Variants in PPP1R9A observed in about 807,000 individuals in gnomAD.
The protein encoded by PPP1R9A is protein phosphatase 1 regulatory subunit 9A.
PPP1R9A carries 59 observed loss-of-function variants against 141.9 expected under a neutral mutation model. The observed-to-expected ratio is 0.42, with a 90% CI of 0.34 to 0.52. The LOEUF is 0.52. PPP1R9A is among the 20% of genes least tolerant of loss of function. The pLI, the probability that PPP1R9A is intolerant of heterozygous loss-of-function variation, is 0.10. For synonymous variants in PPP1R9A, 500 were observed against 569.7 expected (o/e 0.88, Z 1.74); for missense variants, 1,444 against 1,611.9 (o/e 0.90, Z 1.78).
Position 95,274,002 on chromosome 7 carries a change from T to C in PPP1R9A, c.3212+16T>C, listed in dbSNP as rs926010810. 2.0e-6 allele frequency: 3 copies of C among 1,501,892 alleles called. No homozygotes were observed. The highest frequency in any genetic ancestry group is 2.3e-5 in the East Asian group (1 of 44,214). The allele number at this position is 1,501,892 out of a possible 1,614,324, so 93.0% of individuals were successfully genotyped here. On this transcript the variant is annotated intron_variant, in intron 15 of 19. Coordinates refer to ENST00000433360, the MANE Select transcript of PPP1R9A (RefSeq NM_001166160.2). ...TGGATCTGGGGTAAGCACTTCACGATGTAAAAAGAAAGCCCTCTGTAAAAG... is the reference window on the plus strand; with the variant it reads ...TGGATCTGGGGTAAGCACTTCACGACGTAAAAAGAAAGCCCTCTGTAAAAG...
chr7:95,240,514 TTGTCA>T (rs1585411748), intron 8 of PPP1R9A, among the ~76,000 whole-genome samples: 1 of 152,032 alleles, frequency 6.6e-6, no homozygotes, highest in African/African-American at 2.4e-5. Context: ...TAAATTTGTC[TTGTCA>T]TATCAGTGAT....
chr7:94,956,080 T>C (rs1797041892), intron 2 of PPP1R9A, among the ~76,000 whole-genome samples: 1 of 152,048 alleles, frequency 6.6e-6, no homozygotes, highest in African/African-American at 2.4e-5. Context: ...CCTAGCTTGG[T>C]TGGATTTTTT....
At chr7:95,122,170 G>A (rs1254763673) in intron 4 of PPP1R9A, among the ~76,000 whole-genome samples, 1 of 133,152 alleles carries the variant, frequency 7.5e-6, no homozygotes, top group Non-Finnish European at 1.6e-5. Context: ...TTTTTGAGAT[G>A]GCATCTCATT....
chr7:95,221,915 A>G (rs1794513156), intron 7 of PPP1R9A, among the ~76,000 whole-genome samples: 1 of 152,076 alleles, frequency 6.6e-6, no homozygotes, highest in Non-Finnish European at 1.5e-5. Flanking sequence ...CAATTAAAAG[A>G]TGAGCAAATA....
chr7:95,189,168 G>T (rs917186432), intron 5 of PPP1R9A, among the ~76,000 whole-genome samples: 11 of 152,110 alleles, frequency 7.2e-5, no homozygotes, highest in African/African-American at 2.7e-4. Flanking sequence ...TAATCTGGTA[G>T]GTTTTCCTTT....
chr7:94,946,228 A>G (rs1795884088), intron 2 of PPP1R9A, among the ~76,000 whole-genome samples: 1 of 152,120 alleles, frequency 6.6e-6, no homozygotes, highest in East Asian at 1.9e-4. Flanking sequence ...TGGGGAATAG[A>G]TAAAAATGTG....
At chr7:95,017,845 C>T (rs1805324476) in intron 2 of PPP1R9A, among the ~76,000 whole-genome samples, 1 of 152,088 alleles carries the variant, frequency 6.6e-6, no homozygotes, top group Non-Finnish European at 1.5e-5. Flanking sequence ...TCTTGTGGTT[C>T]TCTGACATTT....
At chr7:95,191,269 T>C (rs149732728) in intron 5 of PPP1R9A, among the ~76,000 whole-genome samples, 179 of 152,306 alleles carry the variant, frequency 1.2e-3, no homozygotes, top group African/African-American at 4.1e-3. Context: ...CCTTGACTTA[T>C]TGTATCTCAA....
intron 2 of PPP1R9A, among the ~76,000 whole-genome samples, chr7:95,029,846 A>T (rs147136459): frequency 3.2e-4 from 48 of 152,338 alleles, no homozygotes; most frequent in African/African-American, 9.9e-4. Flanking sequence ...CAAAACTGAC[A>T]TACATTGCCG....
chr7:95,135,075 C>G (rs1318373348), intron 4 of PPP1R9A, among the ~76,000 whole-genome samples: 1 of 152,164 alleles, frequency 6.6e-6, no homozygotes, highest in Non-Finnish European at 1.5e-5. Flanking sequence ...TTAACATCAA[C>G]CTATTTTATT....
intron 2 of PPP1R9A, among the ~76,000 whole-genome samples, chr7:94,923,757 G>A (rs1346111462): frequency 6.6e-6 from 1 of 152,160 alleles, no homozygotes; most frequent in Non-Finnish European, 1.5e-5. Context: ...GGTAGATAAT[G>A]TTGTAGTATA....
At chr7:95,068,122 C>T (rs1394049598) in intron 2 of PPP1R9A, among the ~76,000 whole-genome samples, 1 of 152,098 alleles carries the variant, frequency 6.6e-6, no homozygotes, top group East Asian at 1.9e-4. Context: ...TAAAATATTG[C>T]AAACCTCAGC....
chr7:95,056,728 C>T lies in PPP1R9A; in HGVS notation c.1396-54531C>T, dbSNP rs1360291960. ...ACAGCTGTATGTAATATGAATTCAACTCATGAAAGTTATCACTGATCTGTT... is the reference window on the plus strand; with the variant it reads ...ACAGCTGTATGTAATATGAATTCAATTCATGAAAGTTATCACTGATCTGTT... On this transcript the variant is annotated intron_variant, in intron 2 of 19. Coordinates refer to ENST00000433360, the MANE Select transcript of PPP1R9A (RefSeq NM_001166160.2). Among the ~76,000 whole-genome samples, 3 of 152,036 alleles carry T rather than the reference C, an allele frequency of 2.0e-5. No individual in the cohort carries two copies. The East Asian group carries it at 5.8e-4, about 29-fold the overall frequency.
At chr7:95,035,772 T>A (rs955387995) in intron 2 of PPP1R9A, 2 of 152,232 alleles carry the variant, frequency 1.3e-5, no homozygotes, top group Non-Finnish European at 2.9e-5. Context: ...TAAAAAAACC[T>A]TGCATTCTTT....
chr7:95,077,255 T>G (rs555230599), intron 2 of PPP1R9A, among the ~76,000 whole-genome samples: 6 of 152,294 alleles, frequency 3.9e-5, no homozygotes, highest in African/African-American at 1.4e-4. Context: ...TTTCGCTTTG[T>G]GGTCTGTGTC....
At chr7:94,953,805 A>AT (rs1237621736) in intron 2 of PPP1R9A, among the ~76,000 whole-genome samples, 3 of 152,238 alleles carry the variant, frequency 2.0e-5, no homozygotes, top group Admixed American at 6.5e-5. Flanking sequence ...TGGCAGATTG[A>AT]TTTTTTATCC....
intron 2 of PPP1R9A, among the ~76,000 whole-genome samples, chr7:94,978,421 A>G (rs1430576618): frequency 6.6e-6 from 1 of 152,220 alleles, no homozygotes; most frequent in Non-Finnish European, 1.5e-5. Flanking sequence ...GACTGAATAA[A>G]TATTACAGAT....
At chr7:95,282,523 A>G (rs530111364) in intron 16 of PPP1R9A, among the ~76,000 whole-genome samples, 14 of 152,278 alleles carry the variant, frequency 9.2e-5, no homozygotes, top group Non-Finnish European at 1.2e-4. Flanking sequence ...CTAGAGACAC[A>G]TGTTTACATC....
At chr7:94,962,299 A>C (rs1268215821) in intron 2 of PPP1R9A, among the ~76,000 whole-genome samples, 1 of 151,994 alleles carries the variant, frequency 6.6e-6, no homozygotes, top group African/African-American at 2.4e-5. Flanking sequence ...ATCTTTTGTC[A>C]ACTCTGGTGC....
Sources: gnomAD v4.1 joint callset for allele counts (sites outside exome capture counted in the v4.1 genomes callset) on GRCh38, gnomAD v4.1.1 for gene constraint, MANE v1.5 for transcripts, NCBI Gene and HGNC (gene_info 2026-07-23, HGNC 2026-07-21) for gene names.